MCUB: variants seen among roughly 807,000 people sequenced by gnomAD.
The protein encoded by MCUB is calcium uniporter regulatory subunit MCUb, mitochondrial.
Under a neutral mutation model 41.4 loss-of-function variants are expected in MCUB, and 46 were observed. That is an observed-to-expected ratio of 1.11 (90% CI 0.88 to 1.42). The LOEUF is 1.42. Among genes scored for constraint, MCUB ranks in the 40% most tolerant of loss-of-function variants. The pLI, the probability that MCUB is intolerant of heterozygous loss-of-function variation, is 0.00. For synonymous variants in MCUB, 148 were observed against 148.2 expected, an observed-to-expected ratio of 1.00 and a Z score of 0.01; for missense variants, 403 against 404.9, an observed-to-expected ratio of 1.00 and a Z score of 0.04.
In MCUB at chr4:109,642,573, C is replaced by T. The variant is rs1453364705; in HGVS notation, c.100-16438C>T. On this transcript the variant is annotated intron_variant, in intron 1 of 7. Transcript: ENST00000394650. ...AGTCATTAGGCAAATTATGCTAGTC[C>T]CTGCTGTTCATTATGTATCAGTATT... 2.0e-5 allele frequency among the ~76,000 whole-genome samples: 3 copies of T among 152,112 alleles called. No homozygotes were observed. In the East Asian group the frequency reaches 5.8e-4, roughly 29 times the overall value.
At chr4:109,580,673 G>A (rs1727150316) in intron 1 of MCUB, among the ~76,000 whole-genome samples, 1 of 152,174 alleles carries the variant, frequency 6.6e-6, no homozygotes, top group Non-Finnish European at 1.5e-5. Context: ...CTGCATAAAT[G>A]TCTTCTTTTG....
intron 1 of MCUB, among the ~76,000 whole-genome samples, chr4:109,571,418 G>A (rs1019602622): frequency 6.6e-6 from 1 of 152,056 alleles, no homozygotes; most frequent in African/African-American, 2.4e-5. Flanking sequence ...GTTCAAGCAA[G>A]TCTTCTGTCT....
intron 1 of MCUB, among the ~76,000 whole-genome samples, chr4:109,621,003 A>G (rs1345133528): frequency 1.3e-5 from 2 of 151,954 alleles, no homozygotes; most frequent in African/African-American, 2.4e-5. Context: ...GGTTCAAGCA[A>G]TTATCCTGCT....
At chr4:109,664,485 C>T (rs1029789068) in intron 4 of MCUB, 91 bp downstream of exon 4, 16 of 608,978 alleles carry the variant, frequency 2.6e-5, no homozygotes, top group South Asian at 1.6e-4. Context: ...AGTACAGTGA[C>T]GTCGTCATAG....
chr4:109,599,271 C>A (rs1561222531), intron 1 of MCUB, among the ~76,000 whole-genome samples: 1 of 151,920 alleles, frequency 6.6e-6, no homozygotes, highest in African/African-American at 2.4e-5. Flanking sequence ...CATTTAAAGC[C>A]CCATCCCACC....
rs922820661 is a variant in MCUB, at chr4:109,651,654, T to C, written c.100-7357T>C. 3.3e-5 allele frequency among the ~76,000 whole-genome samples: 5 copies of C among 152,340 alleles called. No homozygotes were observed. The South Asian group carries it at 6.2e-4, about 19-fold the overall frequency. On this transcript the variant is annotated intron_variant, in intron 1 of 7. Coordinates refer to ENST00000394650, the MANE Select transcript of MCUB (RefSeq NM_017918.5). ...ATTTAATTATATTTCTTTACATTATTACACATTAAAAACCATGAATTCACA... is the reference window on the plus strand; with the variant it reads ...ATTTAATTATATTTCTTTACATTATCACACATTAAAAACCATGAATTCACA...
intron 2 of MCUB, 65 bp downstream of exon 2, chr4:109,659,151 C>T: frequency 4.1e-6 from 4 of 975,532 alleles, no homozygotes; most frequent in Non-Finnish European, 6.4e-6. Flanking sequence ...AAATAAAGAG[C>T]TGCGAGAGTT....
At chr4:109,613,084 C>T (rs1005436585) in intron 1 of MCUB, among the ~76,000 whole-genome samples, 2 of 151,694 alleles carry the variant, frequency 1.3e-5, no homozygotes, top group Admixed American at 6.6e-5. Flanking sequence ...CCAGCCTGGG[C>T]AACAGGACCA....
chr4:109,656,354 CTTTTTTTTTTTTTTT>C (rs752851425), intron 1 of MCUB, among the ~76,000 whole-genome samples: 1,159 of 62,042 alleles, frequency 0.019, 20 homozygotes, highest in African/African-American at 0.042. Context: ...TTACTCTCTA[CTTTTTTTTTTTTTTT>C]TTTTTTTTTT....
At chr4:109,563,975 A>G (rs1726702035) in intron 1 of MCUB, among the ~76,000 whole-genome samples, 1 of 152,208 alleles carries the variant, frequency 6.6e-6, no homozygotes, top group South Asian at 2.1e-4. Context: ...ATCCTCAGGA[A>G]GAACTCATAT....
intron 1 of MCUB, among the ~76,000 whole-genome samples, chr4:109,632,394 CTT>C (rs908581014): frequency 6.6e-6 from 1 of 152,044 alleles, no homozygotes; most frequent in Non-Finnish European, 1.5e-5. Flanking sequence ...GAATTTTAGA[CTT>C]ACCATTTATT....
intron 1 of MCUB, among the ~76,000 whole-genome samples, chr4:109,586,505 C>T (rs980578584): frequency 3.9e-5 from 6 of 152,250 alleles, no homozygotes; most frequent in Middle Eastern, 3.4e-3. Flanking sequence ...GCTGGTGAGG[C>T]GTGTGATCCT....
At chr4:109,639,322 C>T (rs148378263) in intron 1 of MCUB, among the ~76,000 whole-genome samples, 8 of 151,978 alleles carry the variant, frequency 5.3e-5, no homozygotes, top group Non-Finnish European at 1.0e-4. Flanking sequence ...TGAACAGATA[C>T]GTGAGCAGTA....
intron 1 of MCUB, 71 bp downstream of exon 1, chr4:109,560,507 G>A: frequency 6.8e-6 from 5 of 731,950 alleles, no homozygotes; most frequent in Non-Finnish European, 9.5e-6. Context: ...CAACTTTGGC[G>A]GGAGCAAAAG....
intron 5 of MCUB, among the ~76,000 whole-genome samples, chr4:109,683,929 G>A (rs573636378): frequency 1.3e-5 from 2 of 152,068 alleles, no homozygotes; most frequent in Non-Finnish European, 2.9e-5. Flanking sequence ...TACCTTTATA[G>A]TTTTAAAGAG....
At chr4:109,612,567 C>T (rs1359191377) in intron 1 of MCUB, among the ~76,000 whole-genome samples, 11 of 152,170 alleles carry the variant, frequency 7.2e-5, no homozygotes, top group Admixed American at 5.2e-4. Context: ...CACCCAGCCT[C>T]CTCCTCTTAA....
At chr4:109,639,103 T>G (rs757810434) in intron 1 of MCUB, among the ~76,000 whole-genome samples, 17 of 152,224 alleles carry the variant, frequency 1.1e-4, no homozygotes, top group Non-Finnish European at 1.8e-4. Context: ...TCTAGAATGG[T>G]GAACCCTTTC....
intron 1 of MCUB, among the ~76,000 whole-genome samples, chr4:109,605,615 T>C (rs1258139385): frequency 6.6e-6 from 1 of 152,190 alleles, no homozygotes; most frequent in African/African-American, 2.4e-5. Context: ...TATCCATTGG[T>C]GAAAGTATGG....
chr4:109,603,138 CCT>C (rs1440082814), intron 1 of MCUB, among the ~76,000 whole-genome samples: 1 of 152,202 alleles, frequency 6.6e-6, no homozygotes, highest in Non-Finnish European at 1.5e-5. Flanking sequence ...CCGCGGTCTC[CCT>C]CTGTTACCGA....
Sources: gnomAD v4.1 joint callset for allele counts (sites outside exome capture counted in the v4.1 genomes callset) on GRCh38, gnomAD v4.1.1 for gene constraint, MANE v1.5 for transcripts, NCBI Gene and HGNC (gene_info 2026-07-23, HGNC 2026-07-21) for gene names.